Variants in METTL15 observed in about 807,000 individuals in gnomAD.
METTL15 encodes 12S rRNA N(4)-cytidine methyltransferase METTL15.
Under a neutral mutation model 38.3 loss-of-function variants are expected in METTL15, and 34 were observed. The ratio of observed to expected loss-of-function variants is 0.89; its 90% CI spans 0.68 to 1.18. The LOEUF is 1.18. METTL15 is among the 50% of genes most tolerant of loss of function. The pLI is 0.00. For missense variants in METTL15, 438 were observed against 498.4 expected (o/e 0.88, Z 1.15); for synonymous variants, 162 against 170.9 (o/e 0.95, Z 0.41).
chr11:28,352,334 T>C (rs1850049022), intron 4 of METTL15, among the ~76,000 whole-genome samples: 1 of 152,142 alleles, frequency 6.6e-6, no homozygotes, highest in African/African-American at 2.4e-5. Flanking sequence ...GCCTGTGAGA[T>C]CCTTCAGGGA....
At position 28,512,802 on chromosome 11, in the gene METTL15, G is replaced by T. The variant is rs192606359; in HGVS notation, c.*425-13676G>T. On this transcript the variant is annotated intron_variant and NMD_transcript_variant, in intron 6 of 7. Transcript: ENST00000532947. Reference sequence around the variant, plus strand: ...CCCACAGTGCAGTGGTGGGCTGAAGGGCTCTTCAAGTGCTGCCAAAGTGGG... The same window carrying T: ...CCCACAGTGCAGTGGTGGGCTGAAGTGCTCTTCAAGTGCTGCCAAAGTGGG... Among the ~76,000 whole-genome samples, 135 of 152,312 alleles carry T rather than the reference G, an allele frequency of 8.9e-4. 1 individual carries two copies. Among genetic ancestry groups the T allele is most frequent in the Non-Finnish European group, 1.4e-3 (96 of 68,026 alleles).
chr11:28,352,653 T>C (rs1251900222), intron 4 of METTL15, among the ~76,000 whole-genome samples: 2 of 152,182 alleles, frequency 1.3e-5, no homozygotes, highest in Non-Finnish European at 2.9e-5. Context: ...TTTGAACTCT[T>C]CTATCTCAGA....
At chr11:28,490,160 A>G (rs754372426) in intron 6 of METTL15, among the ~76,000 whole-genome samples, 7 of 152,140 alleles carry the variant, frequency 4.6e-5, no homozygotes, top group Admixed American at 2.0e-4. Context: ...GCTGAGAAAG[A>G]TTTTTGAAAA....
chr11:28,434,159 G>A (rs1322474444), intron 6 of METTL15, among the ~76,000 whole-genome samples: 1 of 152,090 alleles, frequency 6.6e-6, no homozygotes, highest in Non-Finnish European at 1.5e-5. Context: ...TAGTGAGTTA[G>A]TTCTCACGAG....
At chr11:28,339,564 A>G (rs1421251019) in intron 3 of METTL15, among the ~76,000 whole-genome samples, 2 of 151,878 alleles carry the variant, frequency 1.3e-5, no homozygotes, top group Non-Finnish European at 2.9e-5. Context: ...AAAGACATAA[A>G]AGTTAAAATG....
At chr11:28,368,731 T>C (rs1340438465) in intron 5 of METTL15, among the ~76,000 whole-genome samples, 2 of 152,138 alleles carry the variant, frequency 1.3e-5, no homozygotes, top group Admixed American at 6.6e-5. Flanking sequence ...CTATTCACAA[T>C]AGCAAAGACT....
intron 6 of METTL15, among the ~76,000 whole-genome samples, chr11:28,489,622 G>A (rs979703202): frequency 5.9e-5 from 9 of 152,086 alleles, no homozygotes; most frequent in Non-Finnish European, 1.3e-4. Flanking sequence ...GAGAGAGAGA[G>A]AGAGAGATCA....
chr11:28,329,142 T>C (rs886811383), intron 6 of METTL15, among the ~76,000 whole-genome samples: 2 of 152,156 alleles, frequency 1.3e-5, no homozygotes, highest in African/African-American at 4.8e-5. Flanking sequence ...TTGTATATGA[T>C]GTAAGAGTCT....
chr11:28,449,622 C>T (rs1197094365), intron 6 of METTL15, among the ~76,000 whole-genome samples: 2 of 152,012 alleles, frequency 1.3e-5, no homozygotes, highest in African/African-American at 4.8e-5. Flanking sequence ...TCTATTTCTC[C>T]ACTTTCAAGT....
chr11:28,268,040 A>G (rs1446453952), intron 4 of METTL15, among the ~76,000 whole-genome samples: 1 of 151,582 alleles, frequency 6.6e-6, no homozygotes, highest in Non-Finnish European at 1.5e-5. Context: ...TACTAAAAAT[A>G]CAAAAAATTA....
chr11:28,432,343 AG>A (rs1460457025), intron 6 of METTL15, among the ~76,000 whole-genome samples: 1 of 152,240 alleles, frequency 6.6e-6, no homozygotes. Flanking sequence ...ATTAAGTAAA[AG>A]AATCAATAAT....
At chr11:28,413,542 G>A (rs1036930372) in intron 5 of METTL15, among the ~76,000 whole-genome samples, 38 of 152,108 alleles carry the variant, frequency 2.5e-4, no homozygotes, top group African/African-American at 8.4e-4. Context: ...TGGGTCTCAC[G>A]TTCTAATACT....
At chr11:28,281,366 A>G (rs565876464) in intron 4 of METTL15, among the ~76,000 whole-genome samples, 5 of 152,258 alleles carry the variant, frequency 3.3e-5, no homozygotes, top group African/African-American at 7.2e-5. Context: ...CCTGTATCCA[A>G]TGAAGCTGCC....
At chr11:28,149,719 C>T (rs777157918) in intron 3 of METTL15, among the ~76,000 whole-genome samples, 2 of 151,714 alleles carry the variant, frequency 1.3e-5, no homozygotes, top group Admixed American at 6.6e-5. Flanking sequence ...TACCCAAAAC[C>T]GAACTGGTAT....
intron 4 of METTL15, among the ~76,000 whole-genome samples, chr11:28,359,513 T>G (rs1850117776): frequency 6.6e-6 from 1 of 152,238 alleles, no homozygotes. Context: ...CTTTTCACAG[T>G]GACTGAACTT....
chr11:28,225,236 T>C (rs1853425188), intron 4 of METTL15, among the ~76,000 whole-genome samples: 2 of 151,936 alleles, frequency 1.3e-5, no homozygotes, highest in African/African-American at 4.8e-5. Context: ...AATAATACTT[T>C]ATAGTTTGGC....
intron 3 of METTL15, among the ~76,000 whole-genome samples, chr11:28,166,528 G>A (rs1850663597): frequency 6.6e-6 from 1 of 152,154 alleles, no homozygotes; most frequent in Non-Finnish European, 1.5e-5. Flanking sequence ...GATATTATGA[G>A]CCATAATGTG....
At chr11:28,484,928 C>T (rs1310624465) in intron 6 of METTL15, among the ~76,000 whole-genome samples, 2 of 152,102 alleles carry the variant, frequency 1.3e-5, no homozygotes, top group African/African-American at 2.4e-5. Context: ...TAGAACTGTG[C>T]CTGCTCATGA....
chr11:28,379,855 G>A (rs530935004), intron 5 of METTL15, among the ~76,000 whole-genome samples: 1 of 152,232 alleles, frequency 6.6e-6, no homozygotes, highest in Non-Finnish European at 1.5e-5. Context: ...TCTTCCTTTA[G>A]ATGTATTAAT....
Sources: allele counts gnomAD v4.1 joint callset (sites outside exome capture counted in the v4.1 genomes callset), GRCh38; gene constraint gnomAD v4.1.1; transcripts MANE v1.5; gene names NCBI Gene and HGNC (gene_info 2026-07-23, HGNC 2026-07-21).